MYRFL: variants seen among roughly 807,000 people sequenced by gnomAD.
MYRFL encodes the protein myelin regulatory factor-like protein.
In MYRFL, 88 loss-of-function variants were observed where a neutral mutation model predicts 109.4. The observed-to-expected ratio is 0.80, with a 90% confidence interval of 0.68 to 0.96. The LOEUF (loss-of-function observed/expected upper bound fraction) is 0.96, where lower values mean the gene tolerates loss of function less well. Among genes scored for constraint, MYRFL ranks in the 40% least tolerant of loss-of-function variants. The probability of loss-of-function intolerance (pLI) is 0.00; values close to 1 mark genes in which losing one functional copy is unlikely to be tolerated. For missense variants in MYRFL, 957 were observed against 954.9 expected, an observed-to-expected ratio of 1.00 and a Z score of -0.03; for synonymous variants, 324 against 320.9, an observed-to-expected ratio of 1.01 and a Z score of -0.10.
chr12:69,880,619 G>T (rs1468999985), intron 5 of MYRFL, among the ~76,000 whole-genome samples: 1 of 152,246 alleles, frequency 6.6e-6, no homozygotes, highest in African/African-American at 2.4e-5. Context: ...GAGCCTGCTG[G>T]TGTGCCCATT....
Position 69,903,804 on chromosome 12 carries a change from T to C in MYRFL, c.1343T>C (p.Met448Thr), listed in dbSNP as rs1458643241. Residue 448 changes from methionine to threonine, a missense_variant, in exon 11 of 25, where the codon ATG (methionine) becomes ACG (threonine). Coordinates refer to ENST00000552032, the MANE Select transcript of MYRFL (RefSeq NM_182530.3). ...AACATGAAAGTGATGGGGACCATCA[T>C]GCATCCCTCTGACAGCCGGGCAAAG... ...CGNMKVMGTIMHPSDSRAKQN... is the reference protein window; with the variant it reads ...CGNMKVMGTITHPSDSRAKQN... The C allele has an allele frequency of 8.5e-6, 13 of 1,535,132 alleles. No individual in the cohort carries two copies. Among genetic ancestry groups the C allele is most frequent in the South Asian group, 1.2e-5 (1 of 83,978 alleles).
In MYRFL at chr12:69,909,949, C is replaced by T; in HGVS notation, c.1384-20C>T. On this transcript the variant is annotated intron_variant, in intron 11 of 24. Coordinates refer to ENST00000552032, the MANE Select transcript of MYRFL (RefSeq NM_182530.3). ...CAAATATCTATGCGAGTAAAATCTG[C>T]TCTTCTTTAATTAAATTAGGTTGAC... 6.7e-7 allele frequency: 1 copy of T among 1,489,184 alleles called. No individual in the cohort carries two copies. Among genetic ancestry groups the T allele is most frequent in the South Asian group, 1.3e-5 (1 of 79,056 alleles). 92.2% of individuals were successfully genotyped at this position (1,489,184 alleles called of 1,614,324 possible). A position where few individuals can be genotyped will look rare whatever the true frequency, so the allele number is the denominator to read the frequency against.
chr12:69,953,061 G>C (rs1260805571), intron 21 of MYRFL, among the ~76,000 whole-genome samples, 175 bp downstream of exon 21: 1 of 152,152 alleles, frequency 6.6e-6, no homozygotes, highest in East Asian at 1.9e-4. Flanking sequence ...AAAACAGTTG[G>C]TATTAGCAAA....
intron 13 of MYRFL, among the ~76,000 whole-genome samples, chr12:69,911,440 T>C (rs2120392835): frequency 6.6e-6 from 1 of 152,334 alleles, no homozygotes; most frequent in Non-Finnish European, 1.5e-5. Flanking sequence ...GGTGTTTGAC[T>C]TTTACAGTAT....
At chr12:69,853,933 C>T (rs1009440233) in intron 1 of MYRFL, among the ~76,000 whole-genome samples, 4 of 152,176 alleles carry the variant, frequency 2.6e-5, no homozygotes, top group African/African-American at 9.6e-5. Flanking sequence ...CTCCTCACTT[C>T]CCAGACGGGG....
intron 5 of MYRFL, among the ~76,000 whole-genome samples, chr12:69,885,746 T>C (rs1440293245): frequency 6.6e-6 from 1 of 152,190 alleles, no homozygotes; most frequent in African/African-American, 2.4e-5. Flanking sequence ...AAATTGCTGT[T>C]ATTTGACCAT....
rs2307087 is a variant in MYRFL, at chr12:69,958,241, C to G, written c.2572-8C>G. On this transcript the variant is annotated splice_polypyrimidine_tract_variant and splice_region_variant and intron_variant, in intron 23 of 24. Transcript: ENST00000552032. ...TACGAAATGGATCCTCTTTTATTCACTATTTAGGGATATCAGCACATTTGG... is the reference window on the plus strand; with the variant it reads ...TACGAAATGGATCCTCTTTTATTCAGTATTTAGGGATATCAGCACATTTGG... The G allele has an allele frequency of 6.5e-7, 1 of 1,531,784 alleles. No individual in the cohort carries two copies. The highest frequency in any genetic ancestry group is 2.0e-5 in the Admixed American group (1 of 50,640). 94.9% of individuals were successfully genotyped at this position (1,531,784 alleles called of 1,614,324 possible). A position where few individuals can be genotyped will look rare whatever the true frequency, so the allele number is the denominator to read the frequency against.
chr12:69,940,347 G>A (rs1172177753), intron 19 of MYRFL, among the ~76,000 whole-genome samples: 6 of 150,912 alleles, frequency 4.0e-5, no homozygotes, highest in Admixed American at 6.6e-5. Context: ...GACTAACAGC[G>A]GATCTCTCGG....
intron 1 of MYRFL, among the ~76,000 whole-genome samples, chr12:69,852,579 ATTT>A (rs61145700): frequency 1.8e-5 from 2 of 112,212 alleles, no homozygotes; most frequent in Non-Finnish European, 1.8e-5. Flanking sequence ...TTAATTTTTA[ATTT>A]TTTTTTTTTT....
chr12:69,887,066 T>A (rs1886502047), intron 6 of MYRFL, 96 bp downstream of exon 6: 1 of 1,295,352 alleles, frequency 7.7e-7, no homozygotes, highest in Non-Finnish European at 1.0e-6. Context: ...TCACCTCTGG[T>A]CAAGTGGGGC....
At chr12:69,835,424 A>G (rs1882874218) in intron 1 of MYRFL, among the ~76,000 whole-genome samples, 1 of 152,252 alleles carries the variant, frequency 6.6e-6, no homozygotes, top group Admixed American at 6.5e-5. Flanking sequence ...TTAACATCCC[A>G]TAAAGAACTC....
At chr12:69,876,474 G>A (rs1440838728) in intron 2 of MYRFL, among the ~76,000 whole-genome samples, 5 of 151,014 alleles carry the variant, frequency 3.3e-5, no homozygotes, top group African/African-American at 1.2e-4. Flanking sequence ...ATAAGAAGGG[G>A]GAAAAAAAAA....
intron 1 of MYRFL, among the ~76,000 whole-genome samples, chr12:69,836,269 G>T (rs893051333): frequency 6.6e-6 from 1 of 152,142 alleles, no homozygotes; most frequent in African/African-American, 2.4e-5. Flanking sequence ...CCCTCCAGCT[G>T]CTTCTGTCTC....
rs866881236 is a variant in MYRFL, at chr12:69,944,665, C to T, written c.2225-7448C>T. 3.8e-4 allele frequency among the ~76,000 whole-genome samples: 57 copies of T among 151,488 alleles called. 1 individual carries two copies. In the Middle Eastern group the frequency reaches 0.02, roughly 54 times the overall value. On this transcript the variant is annotated intron_variant, in intron 19 of 24. Transcript: ENST00000552032. ...TAACCTGCACAATGTGCACATGTAC[C>T]CTAAAACTTAAAGTATAATAATAAA...
intron 1 of MYRFL, among the ~76,000 whole-genome samples, chr12:69,844,825 C>A (rs996730760): frequency 1.3e-5 from 2 of 152,110 alleles, no homozygotes; most frequent in Non-Finnish European, 2.9e-5. Context: ...CTCTGAGCAT[C>A]CCTGGGTAAC....
chr12:69,939,137 G>A (rs1214331065), intron 19 of MYRFL, among the ~76,000 whole-genome samples: 1 of 152,208 alleles, frequency 6.6e-6, no homozygotes, highest in Non-Finnish European at 1.5e-5. Context: ...CATTGCCCAG[G>A]CTTGCTTAGG....
intron 2 of MYRFL, among the ~76,000 whole-genome samples, chr12:69,857,623 G>T (rs1243287865): frequency 6.6e-6 from 1 of 150,646 alleles, no homozygotes; most frequent in African/African-American, 2.4e-5. Context: ...AATATTTCAT[G>T]TTCTTCTTTG....
At chr12:69,836,334 C>G (rs1196142224) in intron 1 of MYRFL, among the ~76,000 whole-genome samples, 1 of 152,106 alleles carries the variant, frequency 6.6e-6, no homozygotes, top group Non-Finnish European at 1.5e-5. Flanking sequence ...CGTGGCAGGC[C>G]AGGGTGGTCA....
intron 10 of MYRFL, among the ~76,000 whole-genome samples, chr12:69,901,074 G>A (rs752589846): frequency 2.0e-5 from 3 of 152,222 alleles, no homozygotes; most frequent in Non-Finnish European, 2.9e-5. Context: ...GGAGGACACA[G>A]TACAGAGAAA....
Sources: allele counts gnomAD v4.1 joint callset (sites outside exome capture counted in the v4.1 genomes callset), GRCh38; gene constraint gnomAD v4.1.1; transcripts MANE v1.5; gene names NCBI Gene and HGNC (gene_info 2026-07-23, HGNC 2026-07-21).